The following PPM1L variants were observed in gnomAD, a reference collection of about 807,000 sequenced individuals.
PPM1L encodes the protein protein phosphatase 1L.
In PPM1L, 13 loss-of-function variants were observed where a neutral mutation model predicts 31.4. The observed-to-expected ratio is 0.41, with a 90% CI of 0.27 to 0.66. The LOEUF (loss-of-function observed/expected upper bound fraction) is 0.66, where lower values mean the gene tolerates loss of function less well. Ranked by LOEUF, PPM1L falls within the 30% of genes least tolerant of loss-of-function variation. PPM1L has a pLI of 0.29. For missense variants in PPM1L, 326 were observed against 453.7 expected (o/e 0.72, Z 2.56); for synonymous variants, 184 against 175.4 (o/e 1.05, Z -0.39).
At chr3:160,831,484 A>G (rs1713525098) in intron 1 of PPM1L, among the ~76,000 whole-genome samples, 1 of 152,198 alleles carries the variant, frequency 6.6e-6, no homozygotes, top group African/African-American at 2.4e-5. Context: ...TCTGTTTCAA[A>G]TATTATTCCA....
At chr3:160,767,645 G>T (rs796293267) in intron 1 of PPM1L, among the ~76,000 whole-genome samples, 7 of 152,214 alleles carry the variant, frequency 4.6e-5, no homozygotes, top group African/African-American at 1.4e-4. Flanking sequence ...CAACATTATT[G>T]TTGCAAATTT....
At chr3:160,916,947 T>C (rs1714206756) in intron 1 of PPM1L, among the ~76,000 whole-genome samples, 1 of 152,218 alleles carries the variant, frequency 6.6e-6, no homozygotes, top group Non-Finnish European at 1.5e-5. Context: ...TTTTAAACTA[T>C]ATAAACACTT....
intron 1 of PPM1L, among the ~76,000 whole-genome samples, chr3:160,848,013 A>G (rs551046381): frequency 6.6e-6 from 1 of 152,312 alleles, no homozygotes; most frequent in South Asian, 2.1e-4. Context: ...TTAGGCATAG[A>G]GTACGATGGT....
chr3:161,005,978 A>T (rs960997359), intron 2 of PPM1L, among the ~76,000 whole-genome samples: 1 of 151,008 alleles, frequency 6.6e-6, no homozygotes, highest in Non-Finnish European at 1.5e-5. Context: ...CATTAAAAAA[A>T]CATAAAAAAA....
In PPM1L at chr3:160,994,664, A is replaced by G. The variant is rs181484288; in HGVS notation, c.574+32754A>G. 1.3e-4 allele frequency among the ~76,000 whole-genome samples: 20 copies of G among 152,326 alleles called. No homozygotes were observed. In the East Asian group the frequency reaches 3.3e-3, roughly 25 times the overall value. On this transcript the variant is annotated intron_variant, in intron 2 of 3. Transcript: ENST00000498165. ...ACCACACACTACTATGTGCAGGCAT[A>G]GTACTAAGTTCTGGAAATTCAACTG...
At chr3:160,873,323 A>C (rs373576877) in intron 1 of PPM1L, among the ~76,000 whole-genome samples, 1 of 152,150 alleles carries the variant, frequency 6.6e-6, no homozygotes, top group East Asian at 1.9e-4. Flanking sequence ...CAGCTGCATA[A>C]ATTTCTGGGC....
intron 1 of PPM1L, among the ~76,000 whole-genome samples, chr3:160,918,707 A>G (rs1560151062): frequency 6.6e-6 from 1 of 152,192 alleles, no homozygotes; most frequent in Non-Finnish European, 1.5e-5. Flanking sequence ...ATACTTTAAG[A>G]ACCATTAATA....
intron 1 of PPM1L, among the ~76,000 whole-genome samples, chr3:160,814,488 C>CACATATATGTATGTGTATATATAT (rs1712904296): frequency 6.7e-6 from 1 of 150,150 alleles, no homozygotes. Context: ...CACACACACA[C>CACATATATGTATGTGTATATATAT]ACACACACAT....
intron 2 of PPM1L, among the ~76,000 whole-genome samples, chr3:161,001,715 C>G (rs922601628): frequency 7.9e-5 from 12 of 152,136 alleles, no homozygotes; most frequent in Admixed American, 7.9e-4. Context: ...CCCTCACATT[C>G]TCTTTCTTCT....
rs184937714 is a variant in PPM1L, at chr3:160,901,070, G to A, written c.400-60666G>A. 4.5e-4 allele frequency among the ~76,000 whole-genome samples: 68 copies of A among 152,078 alleles called. No individual in the cohort carries two copies. In the East Asian group the frequency reaches 0.011, roughly 25 times the overall value. On this transcript the variant is annotated intron_variant, in intron 1 of 3. Transcript: ENST00000498165. ...TTTCTTAATGTTAGGCTATCCCAGG[G>A]CTCGTTCCTCAACTCTCTTTTCTTC...
chr3:160,907,748 G>T (rs948551224), intron 1 of PPM1L, among the ~76,000 whole-genome samples: 1 of 152,182 alleles, frequency 6.6e-6, no homozygotes, highest in African/African-American at 2.4e-5. Flanking sequence ...GCATGTAAGG[G>T]CAAGAGGAGG....
chr3:160,904,019 G>T (rs1229023134), intron 1 of PPM1L, among the ~76,000 whole-genome samples: 3 of 152,118 alleles, frequency 2.0e-5, no homozygotes, highest in African/African-American at 4.8e-5. Flanking sequence ...GAAGGGAAGA[G>T]AAAAATTGTC....
chr3:161,050,259 GT>G (rs1277280739), intron 2 of PPM1L, among the ~76,000 whole-genome samples: 1 of 152,206 alleles, frequency 6.6e-6, no homozygotes, highest in East Asian at 1.9e-4. Context: ...GGTTGATCCA[GT>G]GAGGAAAATC....
intron 1 of PPM1L, among the ~76,000 whole-genome samples, chr3:160,869,718 ATGTGTG>A (rs10663764): frequency 1.3e-4 from 20 of 150,440 alleles, no homozygotes; most frequent in African/African-American, 2.4e-4. Context: ...GGTGCAATGT[ATGTGTG>A]TGTGTGTGTG....
intron 2 of PPM1L, among the ~76,000 whole-genome samples, chr3:160,974,264 T>C (rs1330222530): frequency 4.0e-5 from 6 of 151,468 alleles, no homozygotes; most frequent in Admixed American, 2.0e-4. Context: ...CTTAATCCAG[T>C]CTATCATTGT....
intron 2 of PPM1L, among the ~76,000 whole-genome samples, chr3:161,064,720 T>G (rs970559607): frequency 1.3e-5 from 2 of 152,176 alleles, no homozygotes; most frequent in African/African-American, 4.8e-5. Flanking sequence ...TTGTGTCTTG[T>G]GTGGGCTTCA....
chr3:160,970,705 AC>A (rs2108115903), intron 2 of PPM1L, among the ~76,000 whole-genome samples: 1 of 149,650 alleles, frequency 6.7e-6, no homozygotes, highest in East Asian at 2.0e-4. Context: ...TGATTCACCC[AC>A]CTTAGCCTCC....
chr3:160,940,479 G>C (rs917688776), intron 1 of PPM1L, among the ~76,000 whole-genome samples: 1 of 152,204 alleles, frequency 6.6e-6, no homozygotes, highest in Non-Finnish European at 1.5e-5. Flanking sequence ...CAGGGTCCCT[G>C]TGCTGTGTGC....
chr3:160,931,085 T>A (rs1396199664), intron 1 of PPM1L, among the ~76,000 whole-genome samples: 2 of 152,210 alleles, frequency 1.3e-5, no homozygotes, highest in Admixed American at 6.5e-5. Context: ...TAACTAAATG[T>A]ATAAATGACA....
Sources: gnomAD v4.1 joint callset for allele counts (sites outside exome capture counted in the v4.1 genomes callset) on GRCh38, gnomAD v4.1.1 for gene constraint, MANE v1.5 for transcripts, NCBI Gene and HGNC (gene_info 2026-07-23, HGNC 2026-07-21) for gene names.